AFG3L2: variants seen among roughly 807,000 people sequenced by gnomAD.
The protein encoded by AFG3L2 is AFG3 like matrix AAA peptidase subunit 2.
AFG3L2 carries 54 observed loss-of-function variants against 94.5 expected under a neutral mutation model. The ratio of observed to expected loss-of-function variants is 0.57; its 90% confidence interval spans 0.46 to 0.72. AFG3L2 has a LOEUF of 0.72. Ranked by LOEUF, AFG3L2 falls within the 30% of genes least tolerant of loss-of-function variation. The pLI is 0.00. For synonymous variants in AFG3L2, 377 were observed against 365.5 expected (o/e 1.03, Z -0.36); for missense variants, 754 against 994.9 (o/e 0.76, Z 3.26).
Position 12,376,955 on chromosome 18 carries a change from C to T in AFG3L2, c.114+14G>A, listed in dbSNP as rs1412267633. On this transcript the variant is annotated intron_variant, in intron 1 of 16. Transcript: ENST00000269143. ...GGCAGGGTGGAGGGCGCCGGGCGCC[C>T]AGGTAGGACTCACCGTCCGGAGGCA... 2 of 1,434,146 alleles carry T rather than the reference C, an allele frequency of 1.4e-6. No individual in the cohort carries two copies. The highest frequency in any genetic ancestry group is 1.8e-6 in the Non-Finnish European group (2 of 1,094,770). The allele number at this position is 1,434,146 out of a possible 1,614,324, so 88.8% of individuals were successfully genotyped here.
chr18:12,371,781 G>C, intron 1 of AFG3L2, 90 bp from the exon 2 acceptor site: 1 of 1,051,186 alleles, frequency 9.5e-7, no homozygotes, highest in African/African-American at 1.6e-5. Flanking sequence ...TAGATGAAAG[G>C]TCTCTCTCTT....
chr18:12,329,844 A>G, intron 16 of AFG3L2, 61 bp from the exon 17 acceptor site: 1 of 1,450,610 alleles, frequency 6.9e-7, no homozygotes, highest in East Asian at 2.3e-5. Context: ...CAGAAATATT[A>G]ATTTTTTATT....
In AFG3L2 at chr18:12,377,194, C is replaced by A. The variant is rs1265094962; in HGVS notation, c.-112G>T. The A allele has an allele frequency of 5.9e-6, 5 of 841,076 alleles. No homozygotes were observed. Among genetic ancestry groups the A allele is most frequent in the East Asian group, 8.2e-5 (2 of 24,436 alleles). The allele number at this position is 841,076 out of a possible 1,614,324, so 52.1% of individuals were successfully genotyped here. A position where few individuals can be genotyped will look rare whatever the true frequency, so the allele number is the denominator to read the frequency against. On this transcript the variant is annotated 5_prime_UTR_variant, in exon 1 of 17. Transcript: ENST00000269143. ...GGGGAAAGGCCGCCAGGCAGCGAAG[C>A]GCGCCGGCGGCTCACGGAGGAGCCC...
chr18:12,366,842 G>T, intron 5 of AFG3L2, 123 bp downstream of exon 5: 7 of 1,355,578 alleles, frequency 5.2e-6, no homozygotes, highest in Non-Finnish European at 6.3e-6. Flanking sequence ...AGAAAAATCT[G>T]AGTGAAAATA....
intron 1 of AFG3L2, among the ~76,000 whole-genome samples, chr18:12,373,687 T>C (rs1598841276): frequency 6.6e-6 from 1 of 152,164 alleles, no homozygotes; most frequent in Non-Finnish European, 1.5e-5. Flanking sequence ...GAGGGTCACA[T>C]GCTAGGTCAA....
chr18:12,329,687 C>G lies in AFG3L2; in HGVS notation c.2272G>C (p.Glu758Gln), dbSNP rs777855072. 22 of 1,614,168 alleles carry G rather than the reference C, an allele frequency of 1.4e-5. No homozygotes were observed. The highest frequency in any genetic ancestry group is 1.8e-5 in the Non-Finnish European group (21 of 1,180,034). ...AAGCTGCCAGTGCCTTCCACAAATT[C>G]TTCATAGGTAGATTTTTCCGCAAAT... Reference protein sequence around the residue: ...RPFAEKSTYEEFVEGTGSLDE... With the variant: ...RPFAEKSTYEQFVEGTGSLDE... The change falls in exon 17 of 17, where the codon GAA becomes CAA. Residue 758 changes from glutamate to glutamine, a missense_variant. By Grantham distance (29) the Glu-to-Gln change is conservative. Transcript: ENST00000269143.
chr18:12,370,704 C>A, intron 3 of AFG3L2, 145 bp downstream of exon 3: 1 of 600,866 alleles, frequency 1.7e-6, no homozygotes, highest in Non-Finnish European at 3.0e-6. Context: ...AGTGATCCAC[C>A]CGCCTAGGCC....
chr18:12,359,041 A>G, intron 7 of AFG3L2, 98 bp from the exon 8 acceptor site: 1 of 1,495,190 alleles, frequency 6.7e-7, no homozygotes, highest in Non-Finnish European at 9.1e-7. Flanking sequence ...TAGCTACACC[A>G]AGGTATACCT....
At chr18:12,376,889 T>C in intron 1 of AFG3L2, 80 bp downstream of exon 1, 3 of 1,128,046 alleles carry the variant, frequency 2.7e-6, no homozygotes, top group Non-Finnish European at 3.5e-6. Context: ...CGGGGGCCAG[T>C]GACCTTGACG....
At chr18:12,343,970 A>C (rs3888824) in intron 14 of AFG3L2, 162 bp downstream of exon 14, 23,572 of 667,600 alleles carry the variant, frequency 0.035, 549 homozygotes, top group Non-Finnish European at 0.045. Context: ...ATATTTATCT[A>C]TGGGACGGTT....
chr18:12,344,550 T>C (rs1227117061), intron 13 of AFG3L2, among the ~76,000 whole-genome samples: 1 of 151,936 alleles, frequency 6.6e-6, no homozygotes, highest in Admixed American at 6.6e-5. Flanking sequence ...GGTGAGCGCC[T>C]GTACTCCCAG....
intron 14 of AFG3L2, chr18:12,341,332 G>C (rs1345883020): frequency 6.6e-6 from 1 of 152,148 alleles, no homozygotes; most frequent in Non-Finnish European, 1.5e-5. Context: ...GAAGTGTAGA[G>C]TTCAATGAGT....
At chr18:12,333,108 AC>A (rs1568132150) in intron 16 of AFG3L2, among the ~76,000 whole-genome samples, 3 of 88,226 alleles carry the variant, frequency 3.4e-5, no homozygotes, top group Non-Finnish European at 6.6e-5. Flanking sequence ...CTATTATATA[AC>A]TATTATATAA....
rs1470105206 is a variant in AFG3L2 at position 12,352,859 on chromosome 18, G to A, written c.1318+146C>T. The stretch of plus-strand genomic sequence containing the variant: ...TGCAGCTTAAACTCAGGAGACTGAG[G>A]CAGGAGGATCGCTTGAACCCAGGGG... On this transcript the variant is annotated intron_variant, in intron 10 of 16. Coordinates refer to ENST00000269143, the MANE Select transcript of AFG3L2 (RefSeq NM_006796.3). 3.1e-5 allele frequency: 34 copies of A among 1,084,288 alleles called. No homozygotes were observed. In the South Asian group the frequency reaches 4.1e-4, roughly 13 times the overall value. The allele number at this position is 1,084,288 out of a possible 1,614,324, so 67.2% of individuals were successfully genotyped here. A position where few individuals can be genotyped will look rare whatever the true frequency, so the allele number is the denominator to read the frequency against.
At chr18:12,371,396 C>A (rs990513573) in intron 2 of AFG3L2, among the ~76,000 whole-genome samples, 196 bp downstream of exon 2, 1 of 151,424 alleles carries the variant, frequency 6.6e-6, no homozygotes, top group Admixed American at 6.6e-5. Flanking sequence ...ATATAGTTCA[C>A]AACCCAGAAG....
intron 16 of AFG3L2, among the ~76,000 whole-genome samples, chr18:12,335,494 T>G (rs1371109847): frequency 1.3e-5 from 2 of 152,042 alleles, no homozygotes; most frequent in Non-Finnish European, 2.9e-5. Flanking sequence ...ATTCAAGCCC[T>G]CGAAGCTCTC....
At chr18:12,363,525 TTCAC>T (rs1466181976) in intron 6 of AFG3L2, among the ~76,000 whole-genome samples, 1 of 152,264 alleles carries the variant, frequency 6.6e-6, no homozygotes, top group South Asian at 2.1e-4. Flanking sequence ...AAACTGGGAT[TTCAC>T]TCACTGTCTT....
intron 5 of AFG3L2, among the ~76,000 whole-genome samples, chr18:12,366,527 T>C (rs1490917565): frequency 6.6e-6 from 1 of 151,886 alleles, no homozygotes; most frequent in Non-Finnish European, 1.5e-5. Flanking sequence ...CGCCCACAGG[T>C]GACTAAATGT....
At chr18:12,346,510 A>G (rs1908141405) in intron 13 of AFG3L2, among the ~76,000 whole-genome samples, 1 of 151,934 alleles carries the variant, frequency 6.6e-6, no homozygotes, top group Non-Finnish European at 1.5e-5. Context: ...CCCCCCTGAT[A>G]AGCTGTGGGC....
Sources: gnomAD v4.1 joint callset for allele counts (sites outside exome capture counted in the v4.1 genomes callset) on GRCh38, gnomAD v4.1.1 for gene constraint, MANE v1.5 for transcripts, NCBI Gene and HGNC (gene_info 2026-07-23, HGNC 2026-07-21) for gene names.